Variants in WDFY3 observed in about 807,000 individuals in gnomAD.
The protein encoded by WDFY3 is WD repeat and FYVE domain containing 3, also known as WD repeat and FYVE domain-containing protein 3.
A neutral mutation model predicts 409.6 loss-of-function variants in WDFY3; 66 were observed. The ratio of observed to expected loss-of-function variants is 0.16; its 90% CI spans 0.13 to 0.20. WDFY3 has a LOEUF of 0.20. Among genes scored for constraint, WDFY3 ranks in the 10% least tolerant of loss-of-function variants. The probability of loss-of-function intolerance (pLI) is 1.00; values close to 1 mark genes in which losing one functional copy is unlikely to be tolerated. For synonymous variants in WDFY3, 1,521 were observed against 1,537.1 expected (o/e 0.99, Z 0.25); for missense variants, 3,031 against 4,298.1 (o/e 0.71, Z 8.24).
At chr4:84,764,806 A>G (rs1743337379) in intron 32 of WDFY3, among the ~76,000 whole-genome samples, 1 of 151,416 alleles carries the variant, frequency 6.6e-6, no homozygotes, top group African/African-American at 2.4e-5. Flanking sequence ...TGGAGCTTGC[A>G]GTGAGCCAAG....
chr4:84,800,201 T>G (rs1750271651), intron 17 of WDFY3, among the ~76,000 whole-genome samples: 1 of 152,204 alleles, frequency 6.6e-6, no homozygotes, highest in African/African-American at 2.4e-5. Flanking sequence ...CATAAAAGTT[T>G]CTTAATCCAC....
chr4:84,853,332 G>A (rs1457956264), intron 4 of WDFY3, among the ~76,000 whole-genome samples: 2 of 151,538 alleles, frequency 1.3e-5, no homozygotes, highest in Non-Finnish European at 2.9e-5. Flanking sequence ...CACCACACCC[G>A]GCTAATTTTT....
intron 33 of WDFY3, among the ~76,000 whole-genome samples, chr4:84,755,699 CAA>C (rs1741316825): frequency 6.6e-6 from 1 of 152,004 alleles, no homozygotes; most frequent in Non-Finnish European, 1.5e-5. Context: ...GTTAATTAGC[CAA>C]GAGATAAAAT....
intron 56 of WDFY3, among the ~76,000 whole-genome samples, chr4:84,697,841 C>G (rs1229128919): frequency 6.6e-6 from 1 of 152,122 alleles, no homozygotes; most frequent in Non-Finnish European, 1.5e-5. Flanking sequence ...AAAGCCAATT[C>G]CAAGTGGAAG....
At chr4:84,686,071 C>T (rs1001016318) in intron 62 of WDFY3, among the ~76,000 whole-genome samples, 2 of 152,008 alleles carry the variant, frequency 1.3e-5, no homozygotes, top group South Asian at 2.1e-4. Flanking sequence ...ATTTGGAGGC[C>T]GAGGCGGGCA....
intron 2 of WDFY3, among the ~76,000 whole-genome samples, chr4:84,909,053 C>T (rs1390379400): frequency 6.6e-6 from 1 of 151,964 alleles, no homozygotes; most frequent in East Asian, 1.9e-4. Flanking sequence ...CACACGCACA[C>T]ACACACAAAA....
chr4:84,795,486 G>A (rs1411227389), intron 19 of WDFY3, among the ~76,000 whole-genome samples: 1 of 152,176 alleles, frequency 6.6e-6, no homozygotes, highest in African/African-American at 2.4e-5. Context: ...CTAAGCCTGG[G>A]CACAGTGGCT....
chr4:84,919,302 A>T (rs1266693240), intron 2 of WDFY3, among the ~76,000 whole-genome samples: 4 of 152,202 alleles, frequency 2.6e-5, no homozygotes. Context: ...CTGAGTAATG[A>T]CTGGTAAATG....
chr4:84,736,455 A>C, intron 41 of WDFY3, 128 bp from the exon 42 acceptor site: 1 of 834,700 alleles, frequency 1.2e-6, no homozygotes, highest in Non-Finnish European at 1.7e-6. Context: ...ACAGATGCAG[A>C]TATTACATTC....
intron 18 of WDFY3, among the ~76,000 whole-genome samples, chr4:84,797,145 T>C (rs1749595151): frequency 6.6e-6 from 1 of 152,108 alleles, no homozygotes; most frequent in South Asian, 2.1e-4. Flanking sequence ...TTTTAGACCA[T>C]TAAAATGAAA....
intron 16 of WDFY3, 123 bp from the exon 17 acceptor site, chr4:84,801,987 G>A (rs751432887): frequency 4.3e-6 from 4 of 940,872 alleles, no homozygotes; most frequent in Non-Finnish European, 1.6e-6. Flanking sequence ...CGCTCTTGTT[G>A]TCCAGGCTGG....
intron 3 of WDFY3, among the ~76,000 whole-genome samples, chr4:84,880,062 G>A (rs1036461091): frequency 6.6e-6 from 1 of 152,202 alleles, no homozygotes; most frequent in Admixed American, 6.5e-5. Flanking sequence ...TTGCAATGGG[G>A]AGATTATTCT....
intron 3 of WDFY3, among the ~76,000 whole-genome samples, chr4:84,876,002 A>G (rs1005711323): frequency 6.6e-6 from 1 of 152,230 alleles, no homozygotes; most frequent in Non-Finnish European, 1.5e-5. Flanking sequence ...GTAACTACAT[A>G]AACCAGTAAC....
chr4:84,734,904 G>T, intron 43 of WDFY3, 139 bp downstream of exon 43: 1 of 688,840 alleles, frequency 1.5e-6, no homozygotes, highest in Non-Finnish European at 2.4e-6. Context: ...CTGATGGCAG[G>T]AATAATTAAA....
In WDFY3 at chr4:84,678,186, G is replaced by C. The variant is rs986151428; in HGVS notation, c.10241C>G (p.Thr3414Ser). The part of the protein sequence containing the change: ...RKDNAHPAEV[T>S]ALGISKDHSR... The stretch of plus-strand genomic sequence containing the variant: ...CACTTACTTGGAGATGCCCAAGGCA[G>C]TGACCTCAGCTGGGTGTGCATTGTC... The change falls in exon 66 of 68, where the codon ACT (threonine) becomes AGT (serine). Residue 3414 changes from threonine to serine, a missense_variant. Physicochemically the swap from Thr to Ser is moderately conservative, Grantham distance 58. Around this residue, in one of 16 missense-constraint regions of WDFY3, gnomAD observed 378 missense variants for 477.3 expected, o/e 0.79. Transcript: ENST00000295888. 6.2e-7 allele frequency: 1 copy of C among 1,613,922 alleles called. No homozygotes were observed. Among genetic ancestry groups the C allele is most frequent in the Non-Finnish European group, 8.5e-7 (1 of 1,179,950 alleles).
chr4:84,908,018 A>G (rs536257702), intron 2 of WDFY3, among the ~76,000 whole-genome samples: 2 of 152,302 alleles, frequency 1.3e-5, no homozygotes, highest in African/African-American at 4.8e-5. Context: ...GAAAGTGCAG[A>G]GGATGACAAA....
At chr4:84,965,550 G>GAA (rs2151252221) in intron 1 of WDFY3, 1 of 152,330 alleles carries the variant, frequency 6.6e-6, no homozygotes, top group Admixed American at 6.5e-5. Flanking sequence ...CCTTTGGTTG[G>GAA]AAAGGTCTCA....
chr4:84,701,923 G>A (rs908220341), intron 56 of WDFY3, among the ~76,000 whole-genome samples: 1 of 152,156 alleles, frequency 6.6e-6, no homozygotes, highest in East Asian at 1.9e-4. Context: ...AGCTATTAAT[G>A]GGTTTCAATA....
At chr4:84,834,856 T>C (rs1756348855) in intron 7 of WDFY3, among the ~76,000 whole-genome samples, 2 of 152,304 alleles carry the variant, frequency 1.3e-5, no homozygotes, top group African/African-American at 4.8e-5. Flanking sequence ...ATTGCATCTA[T>C]TTTAAAACAT....
Sources: allele counts gnomAD v4.1 joint callset (sites outside exome capture counted in the v4.1 genomes callset), GRCh38; gene constraint gnomAD v4.1.1; regional missense constraint gnomAD v4.1.1; transcripts MANE v1.5; gene names NCBI Gene and HGNC (gene_info 2026-07-23, HGNC 2026-07-21).